INTS9: variants seen among roughly 807,000 people sequenced by gnomAD.
The protein encoded by INTS9 is protein related to CPSF subunits of 74 kDa.
A neutral mutation model predicts 79.7 loss-of-function variants in INTS9; 55 were observed. That is an observed-to-expected ratio of 0.69 (90% CI 0.56 to 0.86). The LOEUF (loss-of-function observed/expected upper bound fraction) is 0.86. Ranked by LOEUF, INTS9 falls within the 40% of genes least tolerant of loss-of-function variation. The probability of loss-of-function intolerance (pLI) is 0.00; values close to 1 mark genes in which losing one functional copy is unlikely to be tolerated. For missense variants in INTS9, 721 were observed against 831.5 expected (o/e 0.87, Z 1.64); for synonymous variants, 319 against 325.2 (o/e 0.98, Z 0.20).
chr8:28,835,493 C>T (rs1026887966), intron 5 of INTS9, 115 bp from the exon 6 acceptor site: 37 of 640,340 alleles, frequency 5.8e-5, no homozygotes, highest in Middle Eastern at 4.0e-4. Context: ...ACCATTTCAT[C>T]ATCATCTTCC....
At chr8:28,791,704 T>C (rs1380760210) in intron 10 of INTS9, among the ~76,000 whole-genome samples, 2 of 152,208 alleles carry the variant, frequency 1.3e-5, no homozygotes, top group Non-Finnish European at 2.9e-5. Context: ...TCTTCCTTCA[T>C]GGTACAGATT....
intron 6 of INTS9, among the ~76,000 whole-genome samples, chr8:28,832,919 C>T (rs1806580788): frequency 6.6e-6 from 1 of 151,854 alleles, no homozygotes; most frequent in Admixed American, 6.6e-5. Flanking sequence ...GCCGAAATTG[C>T]ACCACTGCAC....
At chr8:28,853,998 G>A (rs1217561105) in intron 2 of INTS9, among the ~76,000 whole-genome samples, 1 of 152,142 alleles carries the variant, frequency 6.6e-6, no homozygotes, top group Non-Finnish European at 1.5e-5. Context: ...TGGGATTACA[G>A]GCGTAAGCCA....
At chr8:28,847,046 T>C (rs1449239984) in intron 3 of INTS9, among the ~76,000 whole-genome samples, 1 of 152,170 alleles carries the variant, frequency 6.6e-6, no homozygotes, top group Non-Finnish European at 1.5e-5. Flanking sequence ...CATTTTTTGA[T>C]ACCTCTTCAA....
chr8:28,825,554 T>C (rs1189711029), intron 6 of INTS9, among the ~76,000 whole-genome samples: 1 of 152,222 alleles, frequency 6.6e-6, no homozygotes, highest in Non-Finnish European at 1.5e-5. Flanking sequence ...TGTCTTCTCT[T>C]GATGGCCCTT....
At chr8:28,856,279 C>T (rs1333080353) in intron 2 of INTS9, among the ~76,000 whole-genome samples, 1 of 152,146 alleles carries the variant, frequency 6.6e-6, no homozygotes, top group African/African-American at 2.4e-5. Context: ...AGTTAACTCC[C>T]AGTTTTCTGG....
intron 4 of INTS9, among the ~76,000 whole-genome samples, chr8:28,840,657 T>C (rs917798210): frequency 2.5e-4 from 37 of 146,348 alleles, no homozygotes; most frequent in South Asian, 2.0e-3. Context: ...ATGGATGAAA[T>C]TGGAAATCAT....
rs55848544 is a variant in INTS9 at position 28,799,676 on chromosome 8, C to T, written c.745-3021G>A. ...ATGACCACTCAATGAGTGCTGCAAA[C>T]GGGAACATTTTGTTCAAATACACAC... On this transcript the variant is annotated intron_variant, in intron 8 of 16. Coordinates refer to ENST00000521022, the MANE Select transcript of INTS9 (RefSeq NM_018250.4). Among the ~76,000 whole-genome samples the T allele has an allele frequency of 9.3e-3, 1,413 of 152,292 alleles. 20 individuals carry two copies. The highest frequency in any genetic ancestry group is 0.03 in the African/African-American group (1,241 of 41,542).
At chr8:28,815,720 G>A (rs527874228) in intron 6 of INTS9, among the ~76,000 whole-genome samples, 6 of 152,090 alleles carry the variant, frequency 3.9e-5, no homozygotes, top group Non-Finnish European at 8.8e-5. Flanking sequence ...CAATTCAAAA[G>A]AACCTAACAA....
chr8:28,824,923 T>C (rs1054305162), intron 6 of INTS9, among the ~76,000 whole-genome samples: 3 of 152,178 alleles, frequency 2.0e-5, no homozygotes, highest in Admixed American at 1.3e-4. Flanking sequence ...ATATAATGCA[T>C]GTGAAATGTC....
chr8:28,847,037 A>G (rs1473194515), intron 3 of INTS9, among the ~76,000 whole-genome samples: 3 of 152,130 alleles, frequency 2.0e-5, no homozygotes, highest in Non-Finnish European at 4.4e-5. Flanking sequence ...TTGAAGGCAC[A>G]TTTTTTGATA....
intron 12 of INTS9, chr8:28,780,292 C>T (rs979389168): frequency 2.2e-5 from 7 of 317,896 alleles, no homozygotes; most frequent in South Asian, 2.7e-4. Context: ...TCCAAGATAT[C>T]CCCTATCACA....
In INTS9 at chr8:28,780,678, T is replaced by C. The variant is rs1803202163; in HGVS notation, c.1270+145A>G. On this transcript the variant is annotated intron_variant, in intron 12 of 16. Coordinates refer to ENST00000521022, the MANE Select transcript of INTS9 (RefSeq NM_018250.4). ...ACTGCTTCACTCTTTCTCTGCGGTTTCTTCATTCTTTGGTACCTACAGTAG... is the reference window on the plus strand; with the variant it reads ...ACTGCTTCACTCTTTCTCTGCGGTTCCTTCATTCTTTGGTACCTACAGTAG... 3 of 1,442,984 alleles carry C rather than the reference T, an allele frequency of 2.1e-6. No individual in the cohort carries two copies. The Middle Eastern group carries it at 7.8e-4, about 376-fold the overall frequency. 89.4% of individuals were successfully genotyped at this position (1,442,984 alleles called of 1,614,324 possible).
intron 6 of INTS9, among the ~76,000 whole-genome samples, chr8:28,822,302 AC>A (rs1405650012): frequency 6.9e-6 from 1 of 144,746 alleles, no homozygotes; most frequent in African/African-American, 2.6e-5. Context: ...GGGGTAGAAA[AC>A]TTTTTTTTTT....
At position 28,779,165 on chromosome 8, in the gene INTS9, G is replaced by A. The variant is rs571107279; in HGVS notation, c.1271-1212C>T. Among the ~76,000 whole-genome samples, 9 of 152,282 alleles carry A rather than the reference G, an allele frequency of 5.9e-5. No individual in the cohort carries two copies. In the East Asian group the frequency reaches 1.7e-3, roughly 29 times the overall value. On this transcript the variant is annotated intron_variant, in intron 12 of 16. Transcript: ENST00000521022. ...GCAGGAGCAGGAGACACCAACCTCA[G>A]CCCCACTACATAGGACATTCTCTGG...
intron 1 of INTS9, among the ~76,000 whole-genome samples, chr8:28,886,040 T>C (rs140990849): frequency 2.0e-3 from 311 of 152,190 alleles, no homozygotes; most frequent in African/African-American, 7.2e-3. Flanking sequence ...GCATCCATTG[T>C]TTTCATGTGG....
At chr8:28,771,190 G>T in intron 14 of INTS9, 110 bp from the exon 15 acceptor site, 1 of 912,790 alleles carries the variant, frequency 1.1e-6, no homozygotes, top group Non-Finnish European at 1.7e-6. Context: ...TAACTTTAAA[G>T]GTAAACAATT....
At chr8:28,827,306 G>A (rs1241582525) in intron 6 of INTS9, among the ~76,000 whole-genome samples, 1 of 152,226 alleles carries the variant, frequency 6.6e-6, no homozygotes, top group Admixed American at 6.5e-5. Context: ...TGATGCCAAA[G>A]CTCTGCGGCC....
intron 2 of INTS9, among the ~76,000 whole-genome samples, chr8:28,856,477 G>A (rs1808167600): frequency 6.6e-6 from 1 of 151,868 alleles, no homozygotes; most frequent in Non-Finnish European, 1.5e-5. Flanking sequence ...GCTGGAGTGC[G>A]GTGGCACAAT....
Sources: gnomAD v4.1 joint callset for allele counts (sites outside exome capture counted in the v4.1 genomes callset) on GRCh38, gnomAD v4.1.1 for gene constraint, MANE v1.5 for transcripts, NCBI Gene and HGNC (gene_info 2026-07-23, HGNC 2026-07-21) for gene names.